RGS8: variants seen among roughly 807,000 people sequenced by gnomAD.
RGS8 encodes the protein regulator of G protein signaling 8.
A neutral mutation model predicts 21.7 loss-of-function variants in RGS8; 8 were observed. The observed-to-expected ratio is 0.37, with a 90% confidence interval of 0.22 to 0.66. The LOEUF (loss-of-function observed/expected upper bound fraction) is 0.66. RGS8 is among the 30% of genes least tolerant of loss of function. The probability of loss-of-function intolerance (pLI) is 0.59; values close to 1 mark genes in which losing one functional copy is unlikely to be tolerated. For missense variants in RGS8, 157 were observed against 217.9 expected (o/e 0.72, Z 1.76); for synonymous variants, 80 against 83.6 (o/e 0.96, Z 0.24).
At chr1:182,704,525 G>C in the RGS8 span, among the ~76,000 whole-genome samples, 1 of 152,208 alleles carries the variant, frequency 6.6e-6, no homozygotes, top group Non-Finnish European at 1.5e-5. Flanking sequence ...AGCAGGTAAG[G>C]GGGGGCATCT....
chr1:182,719,454 C>A, the RGS8 span, among the ~76,000 whole-genome samples: 1 of 136,462 alleles, frequency 7.3e-6, no homozygotes, highest in Non-Finnish European at 1.5e-5. Flanking sequence ...TTTTCTTTTT[C>A]TTTCTTCTTT....
At chr1:182,682,709 A>C (rs1557903969) in intron 1 of RGS8, among the ~76,000 whole-genome samples, 1 of 152,070 alleles carries the variant, frequency 6.6e-6, no homozygotes, top group East Asian at 1.9e-4. Context: ...GAAGACTTGA[A>C]CCCAGGACCT....
chr1:182,728,655 A>G, the RGS8 span, among the ~76,000 whole-genome samples: 1 of 152,230 alleles, frequency 6.6e-6, no homozygotes, highest in Non-Finnish European at 1.5e-5. Flanking sequence ...TTCTTTAAAG[A>G]TTCAACAAAG....
the RGS8 span, among the ~76,000 whole-genome samples, chr1:182,708,481 G>A: frequency 4.3e-4 from 65 of 152,354 alleles, no homozygotes; most frequent in East Asian, 0.011. Context: ...CCCCTGAGAT[G>A]ATATAATGGC....
chr1:182,729,874 C>T, the RGS8 span, among the ~76,000 whole-genome samples: 30 of 152,206 alleles, frequency 2.0e-4, 1 homozygote, highest in East Asian at 2.1e-3. Flanking sequence ...GAAGAAAGAA[C>T]GAACGGAGGA....
the RGS8 span, among the ~76,000 whole-genome samples, chr1:182,729,757 A>G: frequency 1.3e-5 from 2 of 152,246 alleles, no homozygotes; most frequent in Non-Finnish European, 2.9e-5. Context: ...ACAAGAACAC[A>G]TATTGACATG....
chr1:182,693,806 C>A, the RGS8 span, among the ~76,000 whole-genome samples: 1 of 152,188 alleles, frequency 6.6e-6, no homozygotes, highest in Non-Finnish European at 1.5e-5. Flanking sequence ...AAAATGAGAT[C>A]ATGGCCTCTG....
the RGS8 span, among the ~76,000 whole-genome samples, chr1:182,749,115 T>A: frequency 6.6e-6 from 1 of 152,226 alleles, no homozygotes; most frequent in African/African-American, 2.4e-5. Flanking sequence ...ATTTGTCTAC[T>A]TTTACATTTG....
the RGS8 span, among the ~76,000 whole-genome samples, chr1:182,691,231 T>G: frequency 5.2e-4 from 79 of 152,234 alleles, no homozygotes; most frequent in Admixed American, 1.1e-3. Flanking sequence ...TTTAGGATGT[T>G]TTGTTACACA....
chr1:182,714,779 A>G, the RGS8 span, among the ~76,000 whole-genome samples: 8 of 152,240 alleles, frequency 5.3e-5, no homozygotes, highest in African/African-American at 1.7e-4. Context: ...ACACCAAAAT[A>G]TAACTGAAAC....
At chr1:182,677,212 CCTGT>C (rs2102453147), upstream of RGS8, among the ~76,000 whole-genome samples, 1 of 152,264 alleles carries the variant, frequency 6.6e-6, no homozygotes, top group South Asian at 2.1e-4. Context: ...AGCTACTCGC[CCTGT>C]CTGAGTATCA....
intron 2 of RGS8, among the ~76,000 whole-genome samples, chr1:182,670,802 C>T (rs537057934): frequency 1.3e-4 from 20 of 152,164 alleles, no homozygotes; most frequent in African/African-American, 3.9e-4. Flanking sequence ...TATGAAGGTC[C>T]ATTGTCACGG....
At chr1:182,670,655 C>T (rs954904003) in intron 2 of RGS8, among the ~76,000 whole-genome samples, 4 of 152,118 alleles carry the variant, frequency 2.6e-5, no homozygotes, top group African/African-American at 9.7e-5. Flanking sequence ...ATGTGAGCTA[C>T]ACCATTTAAA....
At chr1:182,739,188 C>G in the RGS8 span, among the ~76,000 whole-genome samples, 1 of 152,202 alleles carries the variant, frequency 6.6e-6, no homozygotes, top group African/African-American at 2.4e-5. Context: ...ATGCTGGATA[C>G]AGTCAGCTGC....
the RGS8 span, among the ~76,000 whole-genome samples, chr1:182,716,151 A>G: frequency 6.7e-6 from 1 of 149,286 alleles, no homozygotes; most frequent in Admixed American, 6.7e-5. Flanking sequence ...CTAGAGACAG[A>G]GTCTCACTTT....
chr1:182,648,057 C>G, intron 6 of RGS8, 80 bp downstream of exon 7: 1 of 1,330,514 alleles, frequency 7.5e-7, no homozygotes, highest in Non-Finnish European at 1.0e-6. Context: ...CCTCATCAAG[C>G]CTGGCTCAGA....
the RGS8 span, among the ~76,000 whole-genome samples, chr1:182,736,522 G>A: frequency 6.6e-6 from 1 of 152,008 alleles, no homozygotes; most frequent in African/African-American, 2.4e-5. Flanking sequence ...AAATTTTTGG[G>A]GTGATTAGAA....
chr1:182,668,759 G>A (rs191808094), intron 3 of RGS8, among the ~76,000 whole-genome samples: 429 of 152,268 alleles, frequency 2.8e-3, no homozygotes, highest in Middle Eastern at 0.01. Context: ...TCTCTCCTGC[G>A]ACAGCGGGCA....
the RGS8 span, among the ~76,000 whole-genome samples, chr1:182,696,428 G>A: frequency 6.6e-6 from 1 of 152,054 alleles, no homozygotes; most frequent in Non-Finnish European, 1.5e-5. Flanking sequence ...CATGATCTTG[G>A]CTCACTGCAA....
Sources: allele counts gnomAD v4.1 joint callset (sites outside exome capture counted in the v4.1 genomes callset), GRCh38; gene constraint gnomAD v4.1.1; transcripts MANE v1.5; gene names NCBI Gene and HGNC (gene_info 2026-07-23, HGNC 2026-07-21).